The following TEX11 variants were observed in gnomAD, a reference collection of about 807,000 sequenced individuals.
TEX11 encodes the protein testis expressed 11.
A neutral mutation model predicts 84.4 loss-of-function variants in TEX11; 7 were observed. The observed-to-expected ratio is 0.08, with a 90% CI of 0.05 to 0.16. The LOEUF is 0.16. Among genes scored for constraint, TEX11 ranks in the 10% least tolerant of loss-of-function variants. The pLI, the probability that TEX11 is intolerant of heterozygous loss-of-function variation, is 1.00. For synonymous variants in TEX11, 264 were observed against 222.8 expected, an observed-to-expected ratio of 1.18 and a Z score of -1.64; for missense variants, 551 against 660.5, an observed-to-expected ratio of 0.83 and a Z score of 1.82.
intron 7 of TEX11, among the ~76,000 whole-genome samples, chrX:70,837,626 G>T (rs73546714): frequency 9.6e-6 from 1 of 103,730 alleles, no homozygotes; most frequent in African/African-American, 3.5e-5. Flanking sequence ...AGGACGGATC[G>T]CAAAAAAAAA....
At chrX:70,620,589 C>T (rs1402122341) in intron 20 of TEX11, among the ~76,000 whole-genome samples, 3 of 111,825 alleles carry the variant, frequency 2.7e-5, no homozygotes, top group Non-Finnish European at 5.6e-5. Flanking sequence ...ACCATATGAC[C>T]CAGCAATCAT....
intron 20 of TEX11, 80 bp from the exon 21 acceptor site, chrX:70,610,623 G>T: frequency 9.9e-7 from 1 of 1,007,838 alleles, no homozygotes; most frequent in Non-Finnish European, 1.4e-6. Flanking sequence ...CACTATTTGT[G>T]CCTGAGAATT....
At chrX:70,799,278 C>T (rs778640174) in intron 9 of TEX11, among the ~76,000 whole-genome samples, 181 of 111,677 alleles carry the variant, frequency 1.6e-3, no homozygotes, top group African/African-American at 5.6e-3. Flanking sequence ...GTGCCTTTTA[C>T]AGATTTTTTA....
intron 16 of TEX11, among the ~76,000 whole-genome samples, chrX:70,652,127 G>A (rs958956035): frequency 1.8e-5 from 2 of 111,064 alleles, no homozygotes; most frequent in Non-Finnish European, 3.8e-5. Context: ...GCACAATGGG[G>A]TGGAGGGAAA....
intron 16 of TEX11, among the ~76,000 whole-genome samples, chrX:70,665,009 C>A (rs1323454863): frequency 9.0e-6 from 1 of 110,739 alleles, no homozygotes; most frequent in African/African-American, 3.3e-5. Context: ...ATATAACCAG[C>A]ACATGAGACA....
rs1057272505 is a variant in TEX11, at chrX:70,617,140, A to C, written c.1752-6597T>G. Among the ~76,000 whole-genome samples the C allele has an allele frequency of 5.4e-5, 6 of 110,331 alleles. No homozygotes were observed. The Admixed American group carries it at 5.9e-4, about 11-fold the overall frequency. On this transcript the variant is annotated intron_variant, in intron 20 of 29. Coordinates refer to ENST00000374333, the MANE Select transcript of TEX11 (RefSeq NM_031276.3). ...ATGTAGCCCATAAATATATACATCT[A>C]CTATGTACCCAGAAAAAATTAACAA...
intron 28 of TEX11, among the ~76,000 whole-genome samples, chrX:70,530,764 A>C (rs1312849042): frequency 1.8e-5 from 2 of 111,865 alleles, no homozygotes; most frequent in Admixed American, 1.9e-4. Flanking sequence ...ATCCAAAAAG[A>C]AATTACTATA....
chrX:70,759,113 G>C (rs952132425), intron 9 of TEX11, among the ~76,000 whole-genome samples: 2 of 111,485 alleles, frequency 1.8e-5, no homozygotes, highest in Admixed American at 1.9e-4. Context: ...CCAAAATTGA[G>C]GCAATAATTA....
intron 9 of TEX11, among the ~76,000 whole-genome samples, chrX:70,758,418 G>C (rs920666094): frequency 4.5e-5 from 5 of 111,143 alleles, no homozygotes; most frequent in African/African-American, 1.6e-4. Flanking sequence ...AATCACAACA[G>C]TCTCTCAGAC....
At chrX:70,803,323 A>G (rs1240367598) in intron 9 of TEX11, among the ~76,000 whole-genome samples, 1 of 111,898 alleles carries the variant, frequency 8.9e-6, no homozygotes, top group Non-Finnish European at 1.9e-5. Flanking sequence ...TCATAATTAC[A>G]GCAGCTTTCT....
At chrX:70,864,693 G>T (rs1276779734) in intron 4 of TEX11, among the ~76,000 whole-genome samples, 1 of 98,561 alleles carries the variant, frequency 1.0e-5, no homozygotes, top group Non-Finnish European at 2.0e-5. Flanking sequence ...AGTGAGCCGA[G>T]ATCATGCCAC....
At chrX:70,543,016 C>A (rs1466698370) in intron 28 of TEX11, among the ~76,000 whole-genome samples, 1 of 110,101 alleles carries the variant, frequency 9.1e-6, no homozygotes, top group Non-Finnish European at 1.9e-5. Flanking sequence ...CCCGTCTCTA[C>A]TAAAAATGCA....
intron 13 of TEX11, among the ~76,000 whole-genome samples, chrX:70,701,833 T>C (rs1320985798): frequency 9.0e-6 from 1 of 110,609 alleles, no homozygotes; most frequent in Non-Finnish European, 1.9e-5. Flanking sequence ...CTTGGAGGGG[T>C]TCAAGACTTC....
intron 11 of TEX11, among the ~76,000 whole-genome samples, chrX:70,737,816 G>C (rs182189229): frequency 9.0e-6 from 1 of 111,164 alleles, no homozygotes; most frequent in East Asian, 2.8e-4. Context: ...TGCTGCTGAA[G>C]ACGTGAAGAA....
At chrX:70,862,802 C>G (rs2091577682) in intron 4 of TEX11, among the ~76,000 whole-genome samples, 1 of 107,353 alleles carries the variant, frequency 9.3e-6, no homozygotes, top group African/African-American at 3.4e-5. Flanking sequence ...GTAATCCCAG[C>G]TACTAGAGAG....
intron 20 of TEX11, among the ~76,000 whole-genome samples, chrX:70,612,907 C>T (rs2089277812): frequency 9.0e-6 from 1 of 110,563 alleles, no homozygotes; most frequent in South Asian, 4.0e-4. Flanking sequence ...ATAAAATATA[C>T]AGACAAAATT....
At chrX:70,552,679 A>T (rs1433303429) in intron 27 of TEX11, among the ~76,000 whole-genome samples, 1 of 112,138 alleles carries the variant, frequency 8.9e-6, no homozygotes, top group Non-Finnish European at 1.9e-5. Context: ...GTCACACAAC[A>T]TCTATTTTTC....
chrX:70,581,640 A>G (rs1241793746), intron 25 of TEX11, among the ~76,000 whole-genome samples: 1 of 111,071 alleles, frequency 9.0e-6, no homozygotes, highest in African/African-American at 3.3e-5. Flanking sequence ...ATAAAGAGGC[A>G]ATATCTTTGG....
At chrX:70,683,368 C>T (rs1233135655) in intron 13 of TEX11, among the ~76,000 whole-genome samples, 2 of 112,008 alleles carry the variant, frequency 1.8e-5, no homozygotes, top group Admixed American at 9.5e-5. Flanking sequence ...TGGTGGTTCA[C>T]GCCTGTAATC....
Sources: gnomAD v4.1 joint callset for allele counts (sites outside exome capture counted in the v4.1 genomes callset) on GRCh38, gnomAD v4.1.1 for gene constraint, MANE v1.5 for transcripts, NCBI Gene and HGNC (gene_info 2026-07-23, HGNC 2026-07-21) for gene names.